The following BFAR variants were observed in gnomAD, a reference collection of about 807,000 sequenced individuals.
BFAR encodes RING finger protein 47.
A neutral mutation model predicts 54.4 loss-of-function variants in BFAR; 52 were observed. The ratio of observed to expected loss-of-function variants is 0.96; its 90% CI spans 0.77 to 1.21. The LOEUF (loss-of-function observed/expected upper bound fraction) is 1.21. Ranked by LOEUF, BFAR falls within the 50% of genes most tolerant of loss-of-function variation. The pLI is 0.00. For missense variants in BFAR, 571 were observed against 534.0 expected, an observed-to-expected ratio of 1.07 and a Z score of -0.68; for synonymous variants, 215 against 204.3, an observed-to-expected ratio of 1.05 and a Z score of -0.45.
At chr16:14,663,619 C>G (rs1473314113) in intron 6 of BFAR, among the ~76,000 whole-genome samples, 2 of 152,164 alleles carry the variant, frequency 1.3e-5, no homozygotes, top group Admixed American at 1.3e-4. Flanking sequence ...GCGTGAGCCA[C>G]TGTACCTGGC....
intron 1 of BFAR, among the ~76,000 whole-genome samples, chr16:14,642,730 T>C (rs1234871485): frequency 1.3e-5 from 2 of 152,192 alleles, no homozygotes; most frequent in African/African-American, 4.8e-5. Context: ...AAGTCAAATG[T>C]TTATAAAATA....
chr16:14,656,803 A>AATAAGGAACAAAGTCCTGTAATCC (rs538703741), intron 5 of BFAR, among the ~76,000 whole-genome samples: 9 of 152,202 alleles, frequency 5.9e-5, no homozygotes, highest in African/African-American at 2.2e-4. Context: ...ACTTTGTGTT[A>AATAAGGAACAAAGTCCTGTAATCC]ATAAGGAACA....
In BFAR at chr16:14,644,401, C is replaced by T. The variant is rs138184030; in HGVS notation, c.55C>T (p.Pro19Ser). The change falls in exon 2 of 8, where the codon CCT becomes TCT. Residue 19 changes from proline (P) to serine (S), a missense_variant. Pro to Ser is a moderately conservative substitution (Grantham distance 74, BLOSUM62 -1). Transcript: ENST00000261658. ...CACAATGGACCTTGAGAGAGATGAA[C>T]CTCTCAAAAGCACCGGCCCTCAGAT... is the stretch of plus-strand genomic sequence containing the variant. ...VNTMDLERDE[P>S]LKSTGPQISV... is the part of the protein sequence containing the mutation. 5.9e-5 allele frequency: 95 copies of T among 1,613,476 alleles called. No homozygotes were observed. In the African/African-American group the frequency reaches 1.1e-3, roughly 19 times the overall value.
chr16:14,635,586 T>A (rs1959408120), intron 1 of BFAR, among the ~76,000 whole-genome samples: 1 of 152,076 alleles, frequency 6.6e-6, no homozygotes, highest in South Asian at 2.1e-4. Flanking sequence ...CGTCTTACCC[T>A]ACACCACCTA....
intron 5 of BFAR, among the ~76,000 whole-genome samples, chr16:14,658,107 CA>C (rs1289092870): frequency 6.6e-6 from 1 of 152,030 alleles, no homozygotes; most frequent in East Asian, 1.9e-4. Flanking sequence ...GTTTAATAGG[CA>C]AAAGTAAGAG....
intron 4 of BFAR, among the ~76,000 whole-genome samples, chr16:14,650,944 A>T (rs143478760): frequency 1.3e-5 from 2 of 152,350 alleles, no homozygotes; most frequent in African/African-American, 4.8e-5. Context: ...AATGTCCATG[A>T]CATTTAAATT....
chr16:14,653,171 G>C (rs1168151498), intron 4 of BFAR, among the ~76,000 whole-genome samples: 2 of 152,034 alleles, frequency 1.3e-5, no homozygotes, highest in Non-Finnish European at 2.9e-5. Context: ...AATTTAATAA[G>C]CATCACCAAA....
chr16:14,639,198 G>C (rs1959546494), intron 1 of BFAR, among the ~76,000 whole-genome samples: 1 of 152,072 alleles, frequency 6.6e-6, no homozygotes, highest in Admixed American at 6.6e-5. Flanking sequence ...AGGCTGGCAG[G>C]CTGGTAGGCT....
chr16:14,639,471 C>T (rs1286057530), intron 1 of BFAR, among the ~76,000 whole-genome samples: 1 of 152,090 alleles, frequency 6.6e-6, no homozygotes, highest in Admixed American at 6.6e-5. Context: ...CCATGCCCGG[C>T]TAATTTTTGT....
At chr16:14,643,861 CAA>C (rs760053494) in intron 1 of BFAR, 39 of 139,510 alleles carry the variant, frequency 2.8e-4, no homozygotes, top group Non-Finnish European at 3.7e-4. Flanking sequence ...CCACCCCCAC[CAA>C]AAAAAAAAAA....
In BFAR at chr16:14,655,201, G is replaced by A; in HGVS notation, c.774G>A (p.Trp258Ter). 4 of 1,475,702 alleles carry A rather than the reference G, an allele frequency of 2.7e-6. No homozygotes were observed. Among genetic ancestry groups the A allele is most frequent in the Non-Finnish European group, 3.6e-6 (4 of 1,115,478 alleles). 91.4% of individuals were successfully genotyped at this position (1,475,702 alleles called of 1,614,324 possible). ...ALGVKPPQNL[W>*]EYKAVNPGRS... ...GCGTGAAGCCCCCCCAGAATCTCTG[G>A]GAATATAAGGTGAACACTTTAATTT... The change falls in exon 5 of 8, where the codon TGG (tryptophan) becomes TGA (stop). Residue 258 changes from tryptophan to a stop codon, truncating the protein, a stop_gained. Coordinates refer to ENST00000261658, the MANE Select transcript of BFAR (RefSeq NM_016561.3). LOFTEE classifies it high-confidence loss of function.
chr16:14,660,881 A>G (rs1218936083), intron 5 of BFAR, among the ~76,000 whole-genome samples: 3 of 151,862 alleles, frequency 2.0e-5, no homozygotes, highest in African/African-American at 7.2e-5. Flanking sequence ...AGCCTGGGCG[A>G]CAGAGCAAGA....
intron 1 of BFAR, among the ~76,000 whole-genome samples, chr16:14,641,278 A>G (rs911340090): frequency 1.3e-5 from 2 of 152,154 alleles, no homozygotes; most frequent in Non-Finnish European, 2.9e-5. Context: ...AGCCTTCAAG[A>G]TGGAGAAAAC....
rs573664827 is a variant in BFAR, at chr16:14,664,049, C to T, written c.958-820C>T. ...CTGAGGTCAGGAGTTTCAAGACCAG[C>T]CTGGCCAACATGGCAAAACCTCGTC... On this transcript the variant is annotated intron_variant, in intron 6 of 7. Coordinates refer to ENST00000261658, the MANE Select transcript of BFAR (RefSeq NM_016561.3). 4.8e-4 allele frequency among the ~76,000 whole-genome samples: 73 copies of T among 152,118 alleles called. 1 individual carries two copies. Among genetic ancestry groups the T allele is most frequent in the Middle Eastern group, 3.4e-3 (1 of 294 alleles).
chr16:14,658,010 T>A (rs1960177004), intron 5 of BFAR, among the ~76,000 whole-genome samples: 1 of 152,216 alleles, frequency 6.6e-6, no homozygotes, highest in Admixed American at 6.5e-5. Context: ...CACAGGCTAC[T>A]GAAGCAGCTA....
intron 3 of BFAR, among the ~76,000 whole-genome samples, chr16:14,649,070 CTTTTTTTTTTTTT>C (rs544187036): frequency 9.6e-6 from 1 of 104,490 alleles, no homozygotes; most frequent in African/African-American, 3.8e-5. Context: ...ATCTCTTGCT[CTTTTTTTTTTTTT>C]TTTTTTTTTT....
chr16:14,644,605 C>G lies in BFAR; in HGVS notation c.259C>G (p.Leu87Val). 1 of 1,612,442 alleles carries G rather than the reference C, an allele frequency of 6.2e-7. No individual in the cohort carries two copies. Among genetic ancestry groups the G allele is most frequent in the Non-Finnish European group, 8.5e-7 (1 of 1,179,912 alleles). Residue 87 changes from leucine to valine, a missense_variant, in exon 2 of 8, where the codon CTC (leucine) becomes GTC (valine). Coordinates refer to ENST00000261658, the MANE Select transcript of BFAR (RefSeq NM_016561.3). ...WEGFPKVSIL[L>V]RDAIEKLFPD... Reference sequence around the variant, plus strand: ...AGGTTTCCCCAAAGTCAGTATTCTCCTCAGGTAATGTTCAGCCTATATTGG... The same window carrying G: ...AGGTTTCCCCAAAGTCAGTATTCTCGTCAGGTAATGTTCAGCCTATATTGG...
chr16:14,655,313 T>A, intron 5 of BFAR, 103 bp downstream of exon 5: 1 of 949,056 alleles, frequency 1.1e-6, no homozygotes, highest in Non-Finnish European at 1.4e-6. Context: ...ACAGTTTATG[T>A]ACTTATTTAT....
intron 1 of BFAR, among the ~76,000 whole-genome samples, chr16:14,634,799 C>G (rs1475138274): frequency 6.6e-6 from 1 of 152,164 alleles, no homozygotes; most frequent in Non-Finnish European, 1.5e-5. Context: ...AGTGTCACTC[C>G]TAAGACCATA....
Sources: gnomAD v4.1 joint callset for allele counts (sites outside exome capture counted in the v4.1 genomes callset) on GRCh38, gnomAD v4.1.1 for gene constraint, MANE v1.5 for transcripts, NCBI Gene and HGNC (gene_info 2026-07-23, HGNC 2026-07-21) for gene names.